Variants in PCDHA1 observed in about 807,000 individuals in gnomAD.
PCDHA1 encodes protocadherin alpha-1.
PCDHA1 carries 42 observed loss-of-function variants against 61.3 expected under a neutral mutation model. The observed-to-expected ratio is 0.69, with a 90% confidence interval of 0.54 to 0.89. PCDHA1 has a LOEUF of 0.89. PCDHA1 is among the 40% of genes least tolerant of loss of function. PCDHA1 has a pLI of 0.00. For missense variants in PCDHA1, 1,256 were observed against 1,235.3 expected, an observed-to-expected ratio of 1.02 and a Z score of -0.25; for synonymous variants, 610 against 553.8, an observed-to-expected ratio of 1.10 and a Z score of -1.43.
chr5:140,824,055 G>A, intron 1 of PCDHA1: 1 of 1,614,112 alleles, frequency 6.2e-7, no homozygotes, highest in Non-Finnish European at 8.5e-7. Flanking sequence ...TGTGCTCTGG[G>A]GAAGCTCCAC....
chr5:140,843,462 C>G (rs2150360645), intron 1 of PCDHA1: 5 of 1,596,046 alleles, frequency 3.1e-6, no homozygotes, highest in Non-Finnish European at 3.4e-6. Flanking sequence ...CTGGTGCTCA[C>G]GCTGCTGCTG....
intron 1 of PCDHA1, among the ~76,000 whole-genome samples, chr5:140,832,240 G>A (rs1297938454): frequency 6.6e-6 from 1 of 152,152 alleles, no homozygotes; most frequent in African/African-American, 2.4e-5. Flanking sequence ...GACTTTTTGT[G>A]TTGTCCATGT....
chr5:140,882,057 A>C, intron 1 of PCDHA1: 1 of 790,730 alleles, frequency 1.3e-6, no homozygotes, highest in Non-Finnish European at 1.9e-6. Context: ...ACTTACACTT[A>C]CACGTTCATG....
At chr5:140,868,935 G>A in intron 1 of PCDHA1, 1 of 1,171,026 alleles carries the variant, frequency 8.5e-7, no homozygotes, top group South Asian at 1.6e-5. Flanking sequence ...TTAAAGGTTG[G>A]TCTGAACAGT....
chr5:140,942,391 G>A (rs901640537), intron 1 of PCDHA1, among the ~76,000 whole-genome samples: 1 of 151,546 alleles, frequency 6.6e-6, no homozygotes, highest in Non-Finnish European at 1.5e-5. Context: ...CAGCCTGGGC[G>A]ACAGATGAGA....
intron 3 of PCDHA1, among the ~76,000 whole-genome samples, chr5:140,996,991 T>C (rs191353108): frequency 1.6e-4 from 25 of 152,346 alleles, no homozygotes; most frequent in African/African-American, 5.3e-4. Flanking sequence ...GCAACCACTG[T>C]TAACAATTTT....
chr5:140,972,505 T>C (rs2096539361), intron 1 of PCDHA1, among the ~76,000 whole-genome samples: 1 of 152,100 alleles, frequency 6.6e-6, no homozygotes, highest in African/African-American at 2.4e-5. Flanking sequence ...GTTGGTAGAT[T>C]TTACCCCCAG....
intron 1 of PCDHA1, among the ~76,000 whole-genome samples, chr5:140,899,732 T>C (rs1174883648): frequency 6.6e-6 from 1 of 152,222 alleles, no homozygotes; most frequent in Non-Finnish European, 1.5e-5. Context: ...TTTCTATTGA[T>C]TGGAATAGTT....
chr5:140,848,322 C>T, intron 1 of PCDHA1: 1 of 771,738 alleles, frequency 1.3e-6, no homozygotes, highest in Non-Finnish European at 2.1e-6. Flanking sequence ...CCGCGATGTT[C>T]TCTCTGAATC....
intron 1 of PCDHA1, among the ~76,000 whole-genome samples, chr5:140,945,407 T>G (rs554073823): frequency 6.6e-6 from 1 of 152,128 alleles, no homozygotes; most frequent in Non-Finnish European, 1.5e-5. Context: ...ATACAATTCG[T>G]ATCAAAATTT....
intron 1 of PCDHA1, chr5:140,929,538 A>C: frequency 3.3e-6 from 2 of 603,382 alleles, no homozygotes; most frequent in Non-Finnish European, 5.1e-6. Context: ...TTGAGAAACA[A>C]GGGCAAAAAT....
At chr5:140,808,520 G>T (rs1554124610) in intron 1 of PCDHA1, 1 of 1,614,070 alleles carries the variant, frequency 6.2e-7, no homozygotes, top group East Asian at 2.2e-5. Context: ...TTCTGTGGAG[G>T]TGGCTGATGT....
rs114410083 is a variant in PCDHA1, at chr5:140,927,323, C to T, written c.2395-51626C>T. 1,487 of 1,614,220 alleles carry T rather than the reference C, an allele frequency of 9.2e-4. 8 individuals are homozygous for T. In the African/African-American group the frequency reaches 0.018, roughly 19 times the overall value. ...TTCCTGACGCCCGGAGCCCGCTTTA[C>T]TCTCCCGAATGCCCAAGATGACGAC... On this transcript the variant is annotated intron_variant, in intron 1 of 3. Coordinates refer to ENST00000504120, the MANE Select transcript of PCDHA1 (RefSeq NM_018900.4).
intron 1 of PCDHA1, among the ~76,000 whole-genome samples, chr5:140,924,635 C>G (rs2081927697): frequency 6.6e-6 from 1 of 152,108 alleles, no homozygotes; most frequent in Non-Finnish European, 1.5e-5. Context: ...GGGCTCACAC[C>G]TGTAATCCCA....
intron 1 of PCDHA1, among the ~76,000 whole-genome samples, chr5:140,898,131 T>C (rs371489317): frequency 6.6e-6 from 1 of 152,156 alleles, no homozygotes; most frequent in Non-Finnish European, 1.5e-5. Context: ...TTCTCCCATT[T>C]TGTAGGTTGC....
chr5:140,968,465 G>A lies in PCDHA1; in HGVS notation c.2395-10484G>A, dbSNP rs782606184. On this transcript the variant is annotated intron_variant, in intron 1 of 3. Coordinates refer to ENST00000504120, the MANE Select transcript of PCDHA1 (RefSeq NM_018900.4). ...ACTGAGCAGCACTGTGACTGCCAACGTATATGTGGTGGACATGAATGACCA... is the reference window on the plus strand; with the variant it reads ...ACTGAGCAGCACTGTGACTGCCAACATATATGTGGTGGACATGAATGACCA... 78 of 1,614,004 alleles carry A rather than the reference G, an allele frequency of 4.8e-5. No individual in the cohort carries two copies. Among genetic ancestry groups the A allele is most frequent in the Non-Finnish European group, 6.1e-5 (72 of 1,180,028 alleles).
chr5:140,871,106 T>C (rs1554165125), intron 1 of PCDHA1: 1 of 1,613,128 alleles, frequency 6.2e-7, no homozygotes, highest in African/African-American at 1.3e-5. Context: ...CTGGTGTCGT[T>C]GGTGGAGAGC....
intron 1 of PCDHA1, among the ~76,000 whole-genome samples, chr5:140,806,350 T>C (rs1733332281): frequency 1.3e-5 from 2 of 152,204 alleles, no homozygotes; most frequent in African/African-American, 4.8e-5. Flanking sequence ...CAAGTACTTA[T>C]AAACTGTAAG....
Position 141,011,060 on chromosome 5 carries a change from A to G in PCDHA1, c.*1123A>G, listed in dbSNP as rs1588257572. On this transcript the variant is annotated 3_prime_UTR_variant, in exon 4 of 4. Coordinates refer to ENST00000504120, the MANE Select transcript of PCDHA1 (RefSeq NM_018900.4). ...AGGTCACTCTGGGGCTGCCTCTTGC[A>G]TGTATTACTAAATAAAATGATCTCT... is the stretch of plus-strand genomic sequence containing the variant. 1.3e-5 allele frequency: 2 copies of G among 153,758 alleles called. No individual in the cohort carries two copies. Among genetic ancestry groups the G allele is most frequent in the Non-Finnish European group, 2.9e-5 (2 of 68,046 alleles). The allele number at this position is 153,758 out of a possible 1,614,324, so 9.5% of individuals were successfully genotyped here. A position where few individuals can be genotyped will look rare whatever the true frequency, so the allele number is the denominator to read the frequency against.
Sources: gnomAD v4.1 joint callset for allele counts (sites outside exome capture counted in the v4.1 genomes callset) on GRCh38, gnomAD v4.1.1 for gene constraint, MANE v1.5 for transcripts, NCBI Gene and HGNC (gene_info 2026-07-23, HGNC 2026-07-21) for gene names.